PRR5L: variants seen among roughly 807,000 people sequenced by gnomAD.
The protein encoded by PRR5L is proline rich 5 like.
PRR5L carries 21 observed loss-of-function variants against 36.4 expected under a neutral mutation model. That is an observed-to-expected ratio of 0.58 (90% CI 0.41 to 0.83). The LOEUF is 0.83. Ranked by LOEUF, PRR5L falls within the 40% of genes least tolerant of loss-of-function variation. The pLI is 0.00. For missense variants in PRR5L, 381 were observed against 473.3 expected (o/e 0.80, Z 1.81); for synonymous variants, 188 against 197.0 (o/e 0.95, Z 0.38).
At chr11:36,454,923 G>A (rs1464145885) in intron 8 of PRR5L, 1 of 152,292 alleles carries the variant, frequency 6.6e-6, no homozygotes, top group Non-Finnish European at 1.5e-5. Flanking sequence ...GGAGGAGGAA[G>A]AGGATAGTGA....
chr11:36,341,076 G>A (rs1017468266), intron 1 of PRR5L, among the ~76,000 whole-genome samples: 5 of 152,156 alleles, frequency 3.3e-5, no homozygotes. Flanking sequence ...CAGGCAGATG[G>A]AGAGGCAGAT....
intron 3 of PRR5L, among the ~76,000 whole-genome samples, chr11:36,408,801 T>A (rs1857963924): frequency 6.6e-6 from 1 of 152,130 alleles, no homozygotes. Context: ...TAGAAAAGTG[T>A]GAAAAAAGCA....
intron 1 of PRR5L, among the ~76,000 whole-genome samples, chr11:36,388,945 T>C (rs10836547): frequency 0.66 from 100,111 of 151,776 alleles, 33,265 homozygotes; most frequent in Non-Finnish European, 0.7. Context: ...GTGATCTGCC[T>C]GCCTCGGCCT....
chr11:36,393,356 A>G lies in PRR5L; in HGVS notation c.-125-7641A>G, dbSNP rs189799321. 7.4e-4 allele frequency among the ~76,000 whole-genome samples: 113 copies of G among 152,228 alleles called. 1 individual carries two copies. Among genetic ancestry groups the G allele is most frequent in the Admixed American group, 3.3e-3 (50 of 15,288 alleles). On this transcript the variant is annotated intron_variant, in intron 1 of 8. Transcript: ENST00000530639. Reference sequence around the variant, plus strand: ...TTTAACCTATTTTGGTTTGATTTTTATATATAAGATAGGGGTCTAGTTTCA... The same window carrying G: ...TTTAACCTATTTTGGTTTGATTTTTGTATATAAGATAGGGGTCTAGTTTCA...
intron 1 of PRR5L, among the ~76,000 whole-genome samples, chr11:36,399,256 G>A (rs1252542511): frequency 2.6e-5 from 4 of 152,132 alleles, no homozygotes; most frequent in Non-Finnish European, 4.4e-5. Flanking sequence ...GGGGTGAAGG[G>A]GCAAAGACTG....
Position 36,401,053 on chromosome 11 carries a change from A to G in PRR5L, c.-69A>G. On this transcript the variant is annotated 5_prime_UTR_variant, in exon 2 of 9. Coordinates refer to ENST00000530639, the MANE Select transcript of PRR5L (RefSeq NM_001160167.2). ...CTGAGGGCCTGAAGGCAGCCCCTGG[A>G]GAAGCCCTTTCCGAGGGCATTCGGA... is the stretch of plus-strand genomic sequence containing the variant. 6.3e-7 allele frequency: 1 copy of G among 1,576,456 alleles called. No individual in the cohort carries two copies.
chr11:36,413,882 T>G, intron 3 of PRR5L, among the ~76,000 whole-genome samples: 2 of 102,270 alleles, frequency 2.0e-5, no homozygotes, highest in Non-Finnish European at 1.8e-5. Flanking sequence ...CCCACAACAG[T>G]CCCCAGAGTG....
intron 4 of PRR5L, among the ~76,000 whole-genome samples, chr11:36,428,055 A>G (rs1858418610): frequency 6.6e-6 from 1 of 152,174 alleles, no homozygotes; most frequent in Non-Finnish European, 1.5e-5. Context: ...GGCTGGCACT[A>G]TGCCTCTCCC....
At chr11:36,389,610 A>G (rs1244433268) in intron 1 of PRR5L, among the ~76,000 whole-genome samples, 1 of 72,666 alleles carries the variant, frequency 1.4e-5, no homozygotes, top group East Asian at 3.9e-4. Flanking sequence ...GTGAAGCCCC[A>G]TGTATTTTTT....
Position 36,403,301 on chromosome 11 carries a change from T to G in PRR5L, c.168T>G (p.Val56=). The change falls in exon 3 of 9, where the codon GTT becomes GTG. Residue 56 remains valine (V), a synonymous_variant. Coordinates refer to ENST00000530639, the MANE Select transcript of PRR5L (RefSeq NM_001160167.2). ...GGGTTATTCTCTTTTCCTGTAGCGT[T>G]CAGACTGCTGTGATCAACGTTTTCA... ...QLSSSSAWNS[V]QTAVINVFKG... is the part of the protein sequence containing the mutation. The G allele has an allele frequency of 1.9e-6, 3 of 1,613,970 alleles. No individual in the cohort carries two copies. The highest frequency in any genetic ancestry group is 2.5e-6 in the Non-Finnish European group (3 of 1,179,870).
At chr11:36,444,186 G>T (rs373519703) in intron 6 of PRR5L, among the ~76,000 whole-genome samples, 1 of 152,166 alleles carries the variant, frequency 6.6e-6, no homozygotes, top group Non-Finnish European at 1.5e-5. Context: ...AGAATATTAC[G>T]CAGCCTTACA....
rs1270020555 is a variant in PRR5L at position 36,410,867 on chromosome 11, G to A, written c.245+7489G>A. Among the ~76,000 whole-genome samples the A allele has an allele frequency of 1.3e-5, 2 of 152,182 alleles. 1 individual carries two copies. Among genetic ancestry groups the A allele is most frequent in the East Asian group, 3.9e-4 (2 of 5,192 alleles). On this transcript the variant is annotated intron_variant, in intron 3 of 8. Coordinates refer to ENST00000530639, the MANE Select transcript of PRR5L (RefSeq NM_001160167.2). ...TGATTTCAGAGCATTCAGCAGTCAG[G>A]CTAGATGGGCACTGACCAGCTACAG...
intron 2 of PRR5L, 86 bp from the exon 3 acceptor site, chr11:36,403,212 C>A: frequency 8.6e-7 from 1 of 1,162,170 alleles, no homozygotes; most frequent in Non-Finnish European, 1.3e-6. Flanking sequence ...TTCCTGGTCA[C>A]TCCACACACC....
intron 1 of PRR5L, among the ~76,000 whole-genome samples, chr11:36,305,011 T>A (rs1856415854): frequency 6.6e-6 from 1 of 152,200 alleles, no homozygotes; most frequent in Admixed American, 6.5e-5. Context: ...AACCCAGCAA[T>A]TCCACTCATA....
intron 1 of PRR5L, among the ~76,000 whole-genome samples, chr11:36,365,317 C>T (rs548790209): frequency 7.2e-4 from 110 of 151,950 alleles, no homozygotes; most frequent in African/African-American, 2.5e-3. Flanking sequence ...ATTAAAAAGC[C>T]GAAAGCAGAG....
intron 1 of PRR5L, chr11:36,349,876 G>A (rs182744781): frequency 6.6e-6 from 1 of 152,082 alleles, no homozygotes; most frequent in Non-Finnish European, 1.5e-5. Flanking sequence ...ATGGAACCTG[G>A]CACTAGAATG....
intron 1 of PRR5L, among the ~76,000 whole-genome samples, chr11:36,334,502 T>A (rs1380717493): frequency 6.6e-6 from 1 of 152,188 alleles, no homozygotes; most frequent in Non-Finnish European, 1.5e-5. Flanking sequence ...TGGCTTCAGC[T>A]CCTCTGGTAC....
chr11:36,370,880 C>CA (rs566607958), intron 1 of PRR5L, among the ~76,000 whole-genome samples: 5 of 118,088 alleles, frequency 4.2e-5, no homozygotes, highest in African/African-American at 1.3e-4. Flanking sequence ...GACTCCATCT[C>CA]AAAAAAAAAA....
rs1259702731 is a variant in PRR5L at position 36,351,680 on chromosome 11, T to TAA, written c.-125-49316_-125-49315insAA. ...ATAAATATATATTTATATACTTATA[T>TAA]ATTTATATATTTATATATTTATATA... On this transcript the variant is annotated intron_variant, in intron 1 of 8. Transcript: ENST00000530639. 6.5e-4 allele frequency among the ~76,000 whole-genome samples: 5 copies of TAA among 7,676 alleles called. 1 individual carries two copies. The highest frequency in any genetic ancestry group is 2.9e-3 in the African/African-American group (4 of 1,366). 5.0% of individuals were successfully genotyped at this position (7,676 alleles called of 152,430 possible).
Sources: gnomAD v4.1 joint callset for allele counts (sites outside exome capture counted in the v4.1 genomes callset) on GRCh38, gnomAD v4.1.1 for gene constraint, MANE v1.5 for transcripts, NCBI Gene and HGNC (gene_info 2026-07-23, HGNC 2026-07-21) for gene names.